NKAIN2: variants seen among roughly 807,000 people sequenced by gnomAD.
NKAIN2 encodes sodium/potassium transporting ATPase interacting 2.
A neutral mutation model predicts 32.6 loss-of-function variants in NKAIN2; 14 were observed. The observed-to-expected ratio is 0.43, with a 90% CI of 0.28 to 0.67. NKAIN2 has a LOEUF of 0.67. Among genes scored for constraint, NKAIN2 ranks in the 30% least tolerant of loss-of-function variants. The pLI, the probability that NKAIN2 is intolerant of heterozygous loss-of-function variation, is 0.17. For synonymous variants in NKAIN2, 80 were observed against 87.2 expected, an observed-to-expected ratio of 0.92 and a Z score of 0.46; for missense variants, 198 against 258.3, an observed-to-expected ratio of 0.77 and a Z score of 1.60.
intron 1 of NKAIN2, among the ~76,000 whole-genome samples, chr6:123,982,185 CG>C (rs778295795): frequency 5.9e-5 from 9 of 151,964 alleles, no homozygotes; most frequent in East Asian, 5.8e-4. Flanking sequence ...AAGATACATG[CG>C]AGGCAGACCC....
chr6:123,825,392 T>C (rs1774105447), intron 1 of NKAIN2, among the ~76,000 whole-genome samples: 1 of 152,162 alleles, frequency 6.6e-6, no homozygotes, highest in Non-Finnish European at 1.5e-5. Flanking sequence ...TTGTTGATAC[T>C]AGTTAATTGA....
At chr6:124,117,196 A>C (rs1457584972) in intron 1 of NKAIN2, among the ~76,000 whole-genome samples, 4 of 152,128 alleles carry the variant, frequency 2.6e-5, no homozygotes, top group African/African-American at 9.7e-5. Flanking sequence ...ATTTCATAGA[A>C]AAATTCTGTG....
chr6:124,259,331 C>T (rs899015322), intron 1 of NKAIN2, among the ~76,000 whole-genome samples: 2 of 152,100 alleles, frequency 1.3e-5, no homozygotes, highest in Non-Finnish European at 2.9e-5. Context: ...AGGGGCCTGG[C>T]ATCTCATTGT....
At chr6:123,871,172 G>A (rs1206808643) in intron 1 of NKAIN2, among the ~76,000 whole-genome samples, 1 of 152,114 alleles carries the variant, frequency 6.6e-6, no homozygotes, top group Admixed American at 6.6e-5. Context: ...TGTTAGATCA[G>A]TATTGTGTGG....
rs538871320 is a variant in NKAIN2, at chr6:123,939,747, G to A, written c.54+135493G>A. On this transcript the variant is annotated intron_variant, in intron 1 of 6. Transcript: ENST00000368417. ...TAGTTCCTATGAAGATGAATTCTTC[G>A]TTCCCAATTGTGCTATTCCATCTCC... Among the ~76,000 whole-genome samples, 6 of 151,804 alleles carry A rather than the reference G, an allele frequency of 4.0e-5. 1 individual carries two copies. The highest frequency in any genetic ancestry group is 7.4e-5 in the Non-Finnish European group (5 of 67,908).
intron 3 of NKAIN2, among the ~76,000 whole-genome samples, chr6:124,388,926 A>C (rs1773028780): frequency 6.6e-6 from 1 of 152,112 alleles, no homozygotes; most frequent in African/African-American, 2.4e-5. Context: ...TTCAAAGTAC[A>C]AAAAGGCTGT....
chr6:123,939,073 A>T (rs1339379262), intron 1 of NKAIN2, among the ~76,000 whole-genome samples: 1 of 151,966 alleles, frequency 6.6e-6, no homozygotes, highest in Non-Finnish European at 1.5e-5. Flanking sequence ...AGACTTTAGA[A>T]GTATAAGTAA....
At chr6:124,394,609 C>G (rs1013842174) in intron 3 of NKAIN2, among the ~76,000 whole-genome samples, 21 of 144,182 alleles carry the variant, frequency 1.5e-4, no homozygotes, top group African/African-American at 4.6e-4. Context: ...TCTGCAGGTT[C>G]AAGACTAAGA....
At chr6:124,094,750 G>A (rs370578011) in intron 1 of NKAIN2, among the ~76,000 whole-genome samples, 8 of 152,010 alleles carry the variant, frequency 5.3e-5, no homozygotes, top group South Asian at 2.1e-4. Flanking sequence ...AGTTAAGGGC[G>A]CAATTTCTAA....
chr6:124,700,433 G>GA (rs1774719800), intron 4 of NKAIN2, among the ~76,000 whole-genome samples: 1 of 152,172 alleles, frequency 6.6e-6, no homozygotes, highest in Non-Finnish European at 1.5e-5. Flanking sequence ...TAACAACTGA[G>GA]AAGTTTATTA....
At chr6:123,818,238 G>T (rs1330519856) in intron 1 of NKAIN2, among the ~76,000 whole-genome samples, 2 of 152,028 alleles carry the variant, frequency 1.3e-5, no homozygotes, top group Non-Finnish European at 2.9e-5. Context: ...AGAAGTTTTA[G>T]GTCCAAGTAT....
At chr6:124,343,987 C>A (rs956760554) in intron 2 of NKAIN2, among the ~76,000 whole-genome samples, 1 of 151,744 alleles carries the variant, frequency 6.6e-6, no homozygotes, top group Non-Finnish European at 1.5e-5. Context: ...AGTCTTTAAT[C>A]CATCTTAAAT....
At chr6:124,345,516 G>C (rs1436408946) in intron 2 of NKAIN2, among the ~76,000 whole-genome samples, 1 of 151,952 alleles carries the variant, frequency 6.6e-6, no homozygotes, top group South Asian at 2.1e-4. Context: ...TTCAGATCCT[G>C]TTATTGGTCT....
chr6:123,857,472 C>A (rs912673254), intron 1 of NKAIN2, among the ~76,000 whole-genome samples: 6 of 151,902 alleles, frequency 3.9e-5, no homozygotes, highest in Admixed American at 1.3e-4. Flanking sequence ...TGTTTTTTTA[C>A]AGTTATATTT....
chr6:123,861,761 T>C (rs1169388562), intron 1 of NKAIN2, among the ~76,000 whole-genome samples: 1 of 152,186 alleles, frequency 6.6e-6, no homozygotes, highest in African/African-American at 2.4e-5. Flanking sequence ...TTTTCCTAGA[T>C]TGTCCTCTAA....
intron 3 of NKAIN2, among the ~76,000 whole-genome samples, chr6:124,563,111 G>A (rs530197256): frequency 1.7e-4 from 26 of 151,616 alleles, no homozygotes; most frequent in South Asian, 2.1e-4. Context: ...TCACTGTGTT[G>A]GCCAGGCTGG....
At chr6:124,135,317 A>G (rs535246286) in intron 1 of NKAIN2, among the ~76,000 whole-genome samples, 27 of 152,230 alleles carry the variant, frequency 1.8e-4, no homozygotes, top group Admixed American at 9.8e-4. Context: ...TGCTCCACTT[A>G]AAAGATACAG....
intron 1 of NKAIN2, among the ~76,000 whole-genome samples, chr6:123,994,872 C>T (rs1203046026): frequency 2.0e-5 from 3 of 152,118 alleles, no homozygotes; most frequent in Admixed American, 6.5e-5. Context: ...TCTTTGGCAT[C>T]ATAACAACAT....
At chr6:123,893,191 A>G (rs892106467) in intron 1 of NKAIN2, among the ~76,000 whole-genome samples, 49 of 152,154 alleles carry the variant, frequency 3.2e-4, no homozygotes, top group African/African-American at 1.2e-3. Context: ...AAAGGAATGT[A>G]TAATATTATA....
Sources: allele counts gnomAD v4.1 joint callset (sites outside exome capture counted in the v4.1 genomes callset), GRCh38; gene constraint gnomAD v4.1.1; transcripts MANE v1.5; gene names NCBI Gene and HGNC (gene_info 2026-07-23, HGNC 2026-07-21).